NOD2: variants seen among roughly 807,000 people sequenced by gnomAD.
The protein encoded by NOD2 is nucleotide-binding oligomerization domain-containing protein 2.
In NOD2, 86 loss-of-function variants were observed where a neutral mutation model predicts 90.9. That is an observed-to-expected ratio of 0.95 (90% CI 0.79 to 1.13). The LOEUF (loss-of-function observed/expected upper bound fraction) is 1.13, where lower values mean the gene tolerates loss of function less well. NOD2 is among the 50% of genes most tolerant of loss of function. NOD2 has a pLI of 0.00. For missense variants in NOD2, 1,238 were observed against 1,283.8 expected (o/e 0.96, Z 0.55); for synonymous variants, 581 against 554.6 (o/e 1.05, Z -0.67).
chr16:50,699,383 A>G, intron 1 of NOD2, 105 bp from the exon 2 acceptor site: 4 of 906,008 alleles, frequency 4.4e-6, no homozygotes, highest in Admixed American at 1.7e-5. Context: ...GGCTAGAACC[A>G]TGGCCAACTC....
At position 50,707,772 on chromosome 16, in the gene NOD2, A is replaced by G. The variant is rs146004368; in HGVS notation, c.460-83A>G. The G allele has an allele frequency of 5.0e-4, 463 of 922,554 alleles. 2 individuals are homozygous for G. In the East Asian group the frequency reaches 0.011, roughly 21 times the overall value. 57.1% of individuals were successfully genotyped at this position (922,554 alleles called of 1,614,324 possible). A position where few individuals can be genotyped will look rare whatever the true frequency, so the allele number is the denominator to read the frequency against. On this transcript the variant is annotated intron_variant, in intron 2 of 11. Transcript: ENST00000647318. ...TATTCTGGATGGAAGAGAGATGCTT[A>G]TGAAGTTGCAGTAATCAGTAAGCCT...
chr16:50,700,139 T>C (rs1317331126), intron 2 of NOD2, among the ~76,000 whole-genome samples, 185 bp downstream of exon 2: 2 of 152,202 alleles, frequency 1.3e-5, no homozygotes, highest in African/African-American at 4.8e-5. Context: ...TCTTTCTTTC[T>C]TCTTTTCTTT....
chr16:50,701,130 G>A (rs541679789), intron 2 of NOD2, among the ~76,000 whole-genome samples: 27 of 152,290 alleles, frequency 1.8e-4, no homozygotes, highest in African/African-American at 6.5e-4. Context: ...GGACCAATTG[G>A]CCAGCACTGG....
In NOD2 at chr16:50,711,745, G is replaced by C; in HGVS notation, c.1753G>C (p.Ala585Pro). The C allele has an allele frequency of 6.2e-7, 1 of 1,614,154 alleles. No homozygotes were observed. Among genetic ancestry groups the C allele is most frequent in the Non-Finnish European group, 8.5e-7 (1 of 1,180,046 alleles). ...CATCACTTTCCAGTGCTTCTTTGCC[G>C]CGTTCTACCTGGCACTCAGTGCTGA... is the stretch of plus-strand genomic sequence containing the variant. Reference protein sequence around the residue: ...LHITFQCFFAAFYLALSADVP... With the variant: ...LHITFQCFFAPFYLALSADVP... The change falls in exon 4 of 12, where the codon GCG becomes CCG. Residue 585 changes from alanine to proline, a missense_variant. Coordinates refer to ENST00000647318, the MANE Select transcript of NOD2 (RefSeq NM_001370466.1).
rs369766454 is a variant in NOD2, at chr16:50,710,718, G to A, written c.726G>A (p.Pro242=). ...VWADVGMAGP[P]QKSPATLGLE... ...CAGATGTGGGCATGGCTGGACCCCC[G>A]CAGAAGAGCCCAGCCACCCTGGGCC... The change falls in exon 4 of 12, where the codon CCG becomes CCA. Residue 242 remains proline, a synonymous_variant. Transcript: ENST00000647318. 3.5e-5 allele frequency: 57 copies of A among 1,613,532 alleles called. No individual in the cohort carries two copies. Among genetic ancestry groups the A allele is most frequent in the Admixed American group, 6.7e-5 (4 of 59,940 alleles).
At chr16:50,708,904 A>G (rs1276427491) in intron 3 of NOD2, among the ~76,000 whole-genome samples, 1 of 152,216 alleles carries the variant, frequency 6.6e-6, no homozygotes, top group East Asian at 1.9e-4. Context: ...CGCGGCACGG[A>G]GTGCAGGCCC....
intron 2 of NOD2, among the ~76,000 whole-genome samples, chr16:50,705,348 C>G (rs1234232323): frequency 6.6e-6 from 1 of 152,058 alleles, no homozygotes; most frequent in Non-Finnish European, 1.5e-5. Context: ...AGTTTCTTTC[C>G]CCTTCCCCCC....
intron 2 of NOD2, among the ~76,000 whole-genome samples, chr16:50,702,111 AT>A (rs944917616): frequency 2.7e-5 from 4 of 149,222 alleles, no homozygotes; most frequent in African/African-American, 4.9e-5. Context: ...TACCAGGCTA[AT>A]TTTTTTTTTG....
In NOD2 at chr16:50,712,048, C is replaced by T. The variant is rs104895440; in HGVS notation, c.2056C>T (p.Arg686Cys). Residue 686 changes from arginine (R) to cysteine (C), a missense_variant, in exon 4 of 12, where the codon CGC (arginine) becomes TGC (cysteine). This residue lies in a region of NOD2 where 667 missense variants were observed against 688.7 expected (regional missense o/e 0.97). Transcript: ENST00000647318. The stretch of plus-strand genomic sequence containing the variant: ...GGCCTGTGCCCGCTGGTGTCTGGCC[C>T]GCAGCCTCCGCAAGCACTTCCACTC... ...RQACARWCLARSLRKHFHSIP... is the reference protein window; with the variant it reads ...RQACARWCLACSLRKHFHSIP... 18 of 1,613,102 alleles carry T rather than the reference C, an allele frequency of 1.1e-5. No individual in the cohort carries two copies. The highest frequency in any genetic ancestry group is 4.4e-5 in the South Asian group (4 of 91,084).
At chr16:50,714,855 A>G (rs184266356) in intron 4 of NOD2, among the ~76,000 whole-genome samples, 1 of 152,166 alleles carries the variant, frequency 6.6e-6, no homozygotes, top group East Asian at 1.9e-4. Flanking sequence ...ATGGCTTTAA[A>G]AGTTTTTTGA....
In NOD2 at chr16:50,711,020, AC is replaced by A; in HGVS notation, c.1031del (p.Pro344LeufsTer6). ...GACATCTTCCAGTTACTCCTTGACC[AC>A]CCTGACCGTGTCCTGTTAACCTTTG... ...QEDIFQLLLDHPDRVLLTFDG... is the reference protein window; with the variant it reads ...QEDIFQLLLDXPDRVLLTFDG... On this transcript the variant is annotated frameshift_variant, in exon 4 of 12. Coordinates refer to ENST00000647318, the MANE Select transcript of NOD2 (RefSeq NM_001370466.1). LOFTEE classifies it high-confidence loss of function. 6.2e-7 allele frequency: 1 copy of A among 1,614,138 alleles called. No individual in the cohort carries two copies. The highest frequency in any genetic ancestry group is 8.5e-7 in the Non-Finnish European group (1 of 1,180,030).
At chr16:50,697,337 C>T in intron 1 of NOD2, 1 of 1,549,550 alleles carries the variant, frequency 6.5e-7, no homozygotes, top group Non-Finnish European at 8.7e-7. Context: ...CAGGCATTGT[C>T]CCGTCCCAGC....
rs765131217 is a variant in NOD2, at chr16:50,712,137, C to T, written c.2145C>T (p.Leu715=). 15 of 1,614,104 alleles carry T rather than the reference C, an allele frequency of 9.3e-6. No homozygotes were observed. In the Admixed American group the frequency reaches 2.0e-4, roughly 22 times the overall value. Residue 715 remains leucine, a synonymous_variant, in exon 4 of 12, where the codon CTC becomes CTT. Coordinates refer to ENST00000647318, the MANE Select transcript of NOD2 (RefSeq NM_001370466.1). ...SVHAMPGFIW[L]IRSLYEMQEE... ...ATGCCATGCCCGGGTTCATCTGGCTCATCCGGAGCCTGTACGAGATGCAGG... is the reference window on the plus strand; with the variant it reads ...ATGCCATGCCCGGGTTCATCTGGCTTATCCGGAGCCTGTACGAGATGCAGG...
chr16:50,714,900 G>C (rs2150820516), intron 4 of NOD2, among the ~76,000 whole-genome samples: 1 of 152,254 alleles, frequency 6.6e-6, no homozygotes, highest in African/African-American at 2.4e-5. Flanking sequence ...GAGAGAGAGA[G>C]AGCACGCACC....
At chr16:50,707,164 C>T (rs1451039392) in intron 2 of NOD2, among the ~76,000 whole-genome samples, 1 of 152,188 alleles carries the variant, frequency 6.6e-6, no homozygotes, top group Non-Finnish European at 1.5e-5. Flanking sequence ...CATTTGTGAC[C>T]TGCATTTCAT....
intron 4 of NOD2, chr16:50,712,634 G>A (rs1964593013): frequency 1.8e-6 from 1 of 563,658 alleles, no homozygotes; most frequent in Admixed American, 3.1e-5. Flanking sequence ...AACCACCCTG[G>A]CGGGTAGGCA....
chr16:50,720,090 C>A, intron 7 of NOD2, 82 bp downstream of exon 7: 1 of 1,294,162 alleles, frequency 7.7e-7, no homozygotes, highest in Non-Finnish European at 1.1e-6. Context: ...AACTCTTCAG[C>A]CAGGAGGCCC....
intron 8 of NOD2, among the ~76,000 whole-genome samples, 198 bp from the exon 9 acceptor site, chr16:50,723,102 GA>G (rs1377249786): frequency 6.3e-5 from 5 of 79,272 alleles, no homozygotes; most frequent in Non-Finnish European, 1.3e-4. Flanking sequence ...AAAAAAAAAA[GA>G]GCACTGCATT....
rs774491311 is a variant in NOD2 at position 50,699,504 on chromosome 16, G to T, written c.9G>T (p.Ser3=). The T allele has an allele frequency of 6.2e-7, 1 of 1,613,448 alleles. No homozygotes were observed. Among genetic ancestry groups the T allele is most frequent in the South Asian group, 1.1e-5 (1 of 91,060 alleles). ...CCTCCCCAGGTTGTGAAATGTGCTC[G>T]CAGGAGGCTTTTCAGGCACAGAGGA... MC[S]QEAFQAQRSQ... Residue 3 remains serine, a synonymous_variant, in exon 2 of 12, where the codon TCG becomes TCT. Transcript: ENST00000647318.
Sources: gnomAD v4.1 joint callset for allele counts (sites outside exome capture counted in the v4.1 genomes callset) on GRCh38, gnomAD v4.1.1 for gene constraint, gnomAD v4.1.1 regional missense constraint, MANE v1.5 for transcripts, NCBI Gene and HGNC (gene_info 2026-07-23, HGNC 2026-07-21) for gene names.